NEGR1: variants seen among roughly 807,000 people sequenced by gnomAD.
The protein encoded by NEGR1 is neuronal growth regulator 1, also known as IgLON family member 4.
NEGR1 carries 10 observed loss-of-function variants against 40.9 expected under a neutral mutation model. The ratio of observed to expected loss-of-function variants is 0.24; its 90% CI spans 0.15 to 0.42. The LOEUF (loss-of-function observed/expected upper bound fraction) is 0.42. Ranked by LOEUF, NEGR1 falls within the 10% of genes least tolerant of loss-of-function variation. The probability of loss-of-function intolerance (pLI) is 1.00; values close to 1 mark genes in which losing one functional copy is unlikely to be tolerated. For synonymous variants in NEGR1, 185 were observed against 166.8 expected, an observed-to-expected ratio of 1.11 and a Z score of -0.84; for missense variants, 352 against 438.9, an observed-to-expected ratio of 0.80 and a Z score of 1.77.
chr1:72,059,171 G>T (rs1396418982), intron 1 of NEGR1, among the ~76,000 whole-genome samples: 1 of 151,524 alleles, frequency 6.6e-6, no homozygotes, highest in Non-Finnish European at 1.5e-5. Context: ...CAAAGCAGCT[G>T]CATAGAGTAC....
intron 1 of NEGR1, among the ~76,000 whole-genome samples, chr1:71,988,876 T>C (rs1285162741): frequency 8.1e-6 from 1 of 124,034 alleles, no homozygotes; most frequent in Non-Finnish European, 1.6e-5. Flanking sequence ...AAAAACCACA[T>C]ATCCATGCCA....
intron 6 of NEGR1, among the ~76,000 whole-genome samples, chr1:71,421,035 A>G (rs1646390485): frequency 6.6e-6 from 1 of 152,102 alleles, no homozygotes; most frequent in Non-Finnish European, 1.5e-5. Flanking sequence ...ATCTATAGTT[A>G]ATACATGCTT....
At chr1:71,770,432 G>A (rs1348905615) in intron 3 of NEGR1, among the ~76,000 whole-genome samples, 1 of 152,162 alleles carries the variant, frequency 6.6e-6, no homozygotes, top group Non-Finnish European at 1.5e-5. Context: ...CTAGACTTCT[G>A]AGTCTTTGAT....
At chr1:71,770,801 C>T (rs1040109989) in intron 3 of NEGR1, among the ~76,000 whole-genome samples, 3 of 152,146 alleles carry the variant, frequency 2.0e-5, no homozygotes, top group African/African-American at 7.2e-5. Flanking sequence ...CAGGAAACAA[C>T]AAATGCTGGA....
At chr1:72,187,751 T>C (rs1652664307) in intron 1 of NEGR1, among the ~76,000 whole-genome samples, 1 of 151,466 alleles carries the variant, frequency 6.6e-6, no homozygotes, top group African/African-American at 2.4e-5. Context: ...AGTCCTATAT[T>C]GATGCATGAT....
rs1569951591 is a variant in NEGR1 at position 71,499,426 on chromosome 1, C to A, written c.941-91856G>T. On this transcript the variant is annotated intron_variant, in intron 6 of 6. Transcript: ENST00000357731. ...CTTGCACATAGTTATATATATATGG[C>A]ACATAATTATATATAACATATATAA... is the stretch of plus-strand genomic sequence containing the variant. 2.7e-5 allele frequency among the ~76,000 whole-genome samples: 4 copies of A among 147,546 alleles called. No homozygotes were observed. In the South Asian group the frequency reaches 6.4e-4, roughly 23 times the overall value.
intron 1 of NEGR1, among the ~76,000 whole-genome samples, chr1:72,263,391 T>A (rs1036417582): frequency 1.3e-5 from 2 of 151,580 alleles, no homozygotes; most frequent in Admixed American, 6.6e-5. Context: ...ATTTCTTAAA[T>A]ATTTTTATTA....
At chr1:71,529,903 A>C (rs1370497788) in intron 6 of NEGR1, among the ~76,000 whole-genome samples, 1 of 151,188 alleles carries the variant, frequency 6.6e-6, no homozygotes, top group East Asian at 1.9e-4. Context: ...TGATGTTAAT[A>C]ATTCAATTTT....
At chr1:71,789,040 G>C (rs920094915) in intron 2 of NEGR1, among the ~76,000 whole-genome samples, 1 of 152,022 alleles carries the variant, frequency 6.6e-6, no homozygotes, top group South Asian at 2.1e-4. Flanking sequence ...AAGATAGAAG[G>C]ATGGCAAAGG....
chr1:71,736,657 T>C (rs539066451), intron 3 of NEGR1, among the ~76,000 whole-genome samples: 3 of 152,312 alleles, frequency 2.0e-5, no homozygotes. Context: ...ATAGTTTGAA[T>C]GGAGTCAGAA....
chr1:71,982,441 C>T (rs1413626417), intron 1 of NEGR1, among the ~76,000 whole-genome samples: 1 of 152,106 alleles, frequency 6.6e-6, no homozygotes, highest in Non-Finnish European at 1.5e-5. Context: ...CCTAGAATTC[C>T]AGCTTCTTTA....
intron 1 of NEGR1, among the ~76,000 whole-genome samples, chr1:72,084,255 T>C (rs1648123329): frequency 6.6e-6 from 1 of 152,148 alleles, no homozygotes; most frequent in Admixed American, 6.6e-5. Context: ...CTCTACAAAA[T>C]AGGCCCCTGA....
At chr1:71,725,797 A>T (rs1280291661) in intron 3 of NEGR1, among the ~76,000 whole-genome samples, 1 of 151,996 alleles carries the variant, frequency 6.6e-6, no homozygotes, top group Non-Finnish European at 1.5e-5. Flanking sequence ...CATAGTTTCT[A>T]GTTTTTATTT....
intron 2 of NEGR1, among the ~76,000 whole-genome samples, chr1:71,804,712 G>A (rs550952016): frequency 1.3e-5 from 2 of 152,150 alleles, no homozygotes. Context: ...TTTGTAAACT[G>A]AGGAGGATGT....
intron 3 of NEGR1, among the ~76,000 whole-genome samples, chr1:71,715,550 C>A (rs1022990490): frequency 6.6e-6 from 1 of 152,142 alleles, no homozygotes; most frequent in Non-Finnish European, 1.5e-5. Flanking sequence ...AAACTGAATG[C>A]TTTTAAGAGC....
rs182620057 is a variant in NEGR1, at chr1:72,075,424, T to C, written c.177-140113A>G. On this transcript the variant is annotated intron_variant, in intron 1 of 6. Coordinates refer to ENST00000357731, the MANE Select transcript of NEGR1 (RefSeq NM_173808.3). ...AAATTGTCCTTCAAGCATTACACAA[T>C]GTAGATATTAAGACTATATACTGGA... Among the ~76,000 whole-genome samples, 15 of 152,334 alleles carry C rather than the reference T, an allele frequency of 9.8e-5. No individual in the cohort carries two copies. In the East Asian group the frequency reaches 2.9e-3, roughly 29 times the overall value.
In NEGR1 at chr1:71,738,058, C is replaced by T. The variant is rs533053896; in HGVS notation, c.535+38114G>A. ...GTATCATCCTTCCTCCCACTCCTTC[C>T]TAGGCTGCTATTATCCCATCTCTTT... On this transcript the variant is annotated intron_variant, in intron 3 of 6. Coordinates refer to ENST00000357731, the MANE Select transcript of NEGR1 (RefSeq NM_173808.3). The T allele has an allele frequency of 4.8e-4, 74 of 152,704 alleles. No individual in the cohort carries two copies. The South Asian group carries it at 0.015, about 30-fold the overall frequency. 9.5% of individuals were successfully genotyped at this position (152,704 alleles called of 1,614,324 possible).
intron 1 of NEGR1, among the ~76,000 whole-genome samples, chr1:72,038,084 G>T (rs1430213398): frequency 6.6e-6 from 1 of 152,088 alleles, no homozygotes; most frequent in Non-Finnish European, 1.5e-5. Flanking sequence ...ATTTGGAAGT[G>T]ATGTAGCAAG....
intron 4 of NEGR1, among the ~76,000 whole-genome samples, chr1:71,677,686 A>G (rs1279404068): frequency 6.6e-6 from 1 of 152,168 alleles, no homozygotes; most frequent in Non-Finnish European, 1.5e-5. Flanking sequence ...CATGTGTTTC[A>G]TTCTTCACTG....
Sources: gnomAD v4.1 joint callset for allele counts (sites outside exome capture counted in the v4.1 genomes callset) on GRCh38, gnomAD v4.1.1 for gene constraint, MANE v1.5 for transcripts, NCBI Gene and HGNC (gene_info 2026-07-23, HGNC 2026-07-21) for gene names.